Variants in CDK13 observed in about 807,000 individuals in gnomAD.
CDK13 encodes cyclin-dependent kinase 13.
In CDK13, 40 loss-of-function variants were observed where a neutral mutation model predicts 137.6. The ratio of observed to expected loss-of-function variants is 0.29; its 90% confidence interval spans 0.23 to 0.38. CDK13 has a LOEUF of 0.38. Ranked by LOEUF, CDK13 falls within the 10% of genes least tolerant of loss-of-function variation. The probability of loss-of-function intolerance (pLI) is 1.00; values close to 1 mark genes in which losing one functional copy is unlikely to be tolerated. For synonymous variants in CDK13, 869 were observed against 760.1 expected, an observed-to-expected ratio of 1.14 and a Z score of -2.36; for missense variants, 1,704 against 1,951.8, an observed-to-expected ratio of 0.87 and a Z score of 2.39.
rs115818286 is a variant in CDK13 at position 39,995,411 on chromosome 7, A to G, written c.1872-2083A>G. Reference sequence around the variant, plus strand: ...TAAATAAGTTATTCTAAATAGGCCTATTTTCAGTTGGCATTCAGGTGATAC... The same window carrying G: ...TAAATAAGTTATTCTAAATAGGCCTGTTTTCAGTTGGCATTCAGGTGATAC... On this transcript the variant is annotated intron_variant, in intron 2 of 13. Transcript: ENST00000181839. Among the ~76,000 whole-genome samples, 588 of 152,112 alleles carry G rather than the reference A, an allele frequency of 3.9e-3. 1 individual carries two copies. Among genetic ancestry groups the G allele is most frequent in the African/African-American group, 0.013 (557 of 41,500 alleles).
intron 2 of CDK13, among the ~76,000 whole-genome samples, chr7:39,988,739 T>G (rs796348672): frequency 6.6e-6 from 1 of 152,096 alleles, no homozygotes; most frequent in South Asian, 2.1e-4. Context: ...TAAAAAAAAA[T>G]TTTTTTAGCC....
At chr7:40,043,455 C>A (rs1785659452) in intron 5 of CDK13, among the ~76,000 whole-genome samples, 1 of 152,108 alleles carries the variant, frequency 6.6e-6, no homozygotes, top group Admixed American at 6.5e-5. Context: ...ATTATTTTGT[C>A]AAGTTAAGTC....
intron 5 of CDK13, among the ~76,000 whole-genome samples, chr7:40,016,977 A>G (rs1026964483): frequency 1.3e-5 from 2 of 152,188 alleles, no homozygotes; most frequent in African/African-American, 4.8e-5. Flanking sequence ...ATGGCCAGTG[A>G]TGAAGAGACA....
intron 5 of CDK13, among the ~76,000 whole-genome samples, chr7:40,022,582 G>C (rs780609421): frequency 9.2e-5 from 14 of 151,900 alleles, no homozygotes; most frequent in Admixed American, 2.0e-4. Context: ...AGACAAGGTA[G>C]ACCCTATGTT....
At chr7:40,032,156 A>G (rs1408962675) in intron 5 of CDK13, among the ~76,000 whole-genome samples, 1 of 152,136 alleles carries the variant, frequency 6.6e-6, no homozygotes, top group African/African-American at 2.4e-5. Context: ...CCACAGGCTC[A>G]AGCCGTCTTC....
At chr7:40,023,850 T>C (rs1054170807) in intron 5 of CDK13, among the ~76,000 whole-genome samples, 2 of 152,220 alleles carry the variant, frequency 1.3e-5, no homozygotes, top group African/African-American at 4.8e-5. Flanking sequence ...GGTTATTTTC[T>C]TCTCAGATTT....
chr7:39,951,928 C>G (rs1431449772), intron 1 of CDK13, 76 bp downstream of exon 1: 8 of 1,301,480 alleles, frequency 6.1e-6, no homozygotes, highest in African/African-American at 3.0e-5. Flanking sequence ...AAGTGGTGCC[C>G]GGGTCCTCAG....
intron 4 of CDK13, among the ~76,000 whole-genome samples, chr7:40,001,284 G>A (rs1784680071): frequency 2.0e-5 from 3 of 151,164 alleles, no homozygotes; most frequent in Admixed American, 6.6e-5. Context: ...GTGCAGTGGC[G>A]TGTCGTGATC....
intron 1 of CDK13, chr7:39,986,669 C>G (rs1017283234): frequency 2.0e-5 from 3 of 152,066 alleles, no homozygotes; most frequent in African/African-American, 7.2e-5. Flanking sequence ...CTTTTTTACT[C>G]TCATTCATTT....
intron 4 of CDK13, 60 bp from the exon 5 acceptor site, chr7:40,001,801 A>G: frequency 2.9e-6 from 3 of 1,052,070 alleles, no homozygotes; most frequent in Non-Finnish European, 4.3e-6. Context: ...ATTTAAAGTT[A>G]AGAAAAATGT....
chr7:40,025,057 T>C (rs1246111882), intron 5 of CDK13, among the ~76,000 whole-genome samples: 1 of 152,182 alleles, frequency 6.6e-6, no homozygotes, highest in Admixed American at 6.5e-5. Context: ...AGCTATTCAC[T>C]AGGTATCTCA....
At chr7:39,962,708 A>G (rs1783776308) in intron 1 of CDK13, among the ~76,000 whole-genome samples, 2 of 152,176 alleles carry the variant, frequency 1.3e-5, no homozygotes, top group South Asian at 2.1e-4. Context: ...GTCCTTGCCC[A>G]TGCCTATGTC....
intron 9 of CDK13, among the ~76,000 whole-genome samples, chr7:40,063,907 G>A (rs962914527): frequency 1.3e-5 from 2 of 151,386 alleles, no homozygotes; most frequent in African/African-American, 2.4e-5. Flanking sequence ...ACTGCCCCCC[G>A]CCTCGTTCTC....
chr7:39,966,062 A>G (rs1783864334), intron 1 of CDK13, among the ~76,000 whole-genome samples: 1 of 151,876 alleles, frequency 6.6e-6, no homozygotes, highest in African/African-American at 2.4e-5. Flanking sequence ...TTTTTCCTTC[A>G]TTTCAACTTT....
In CDK13 at chr7:39,988,220, T is replaced by C; in HGVS notation, c.1833T>C (p.Pro611=). The C allele has an allele frequency of 4.3e-6, 7 of 1,610,286 alleles. No individual in the cohort carries two copies. In the Admixed American group the frequency reaches 8.5e-5, roughly 20 times the overall value. ...TCACCTCTACATTACCACCGTTACCTTTGCCTCCCATGCTGCCTGAAGATA... is the reference window on the plus strand; with the variant it reads ...TCACCTCTACATTACCACCGTTACCCTTGCCTCCCATGCTGCCTGAAGATA... ...ALVTSTLPPL[P]LPPMLPEDKE... Residue 611 remains proline, a synonymous_variant, in exon 2 of 14, where the codon CCT becomes CCC. Transcript: ENST00000181839.
In CDK13 at chr7:39,951,863, C is replaced by T. The variant is rs1787229982; in HGVS notation, c.1211+11C>T. 7.4e-7 allele frequency: 1 copy of T among 1,355,558 alleles called. No individual in the cohort carries two copies. The highest frequency in any genetic ancestry group is 9.5e-7 in the Non-Finnish European group (1 of 1,052,634). 84.0% of individuals were successfully genotyped at this position (1,355,558 alleles called of 1,614,324 possible). On this transcript the variant is annotated intron_variant, in intron 1 of 13. Coordinates refer to ENST00000181839, the MANE Select transcript of CDK13 (RefSeq NM_003718.5). ...CAGCCCTGTGCTCAGGTGAGTTCTG[C>T]CGTTCTGCCTGTGTGTGCCTTGGCT...
intron 5 of CDK13, among the ~76,000 whole-genome samples, chr7:40,032,511 G>A (rs1265397288): frequency 2.0e-5 from 3 of 152,182 alleles, no homozygotes; most frequent in African/African-American, 7.2e-5. Context: ...TAGAAATTTA[G>A]TTTTGCAGTT....
At chr7:40,066,294 C>CAG (rs1159587689) in intron 9 of CDK13, among the ~76,000 whole-genome samples, 3 of 152,260 alleles carry the variant, frequency 2.0e-5, no homozygotes, top group Non-Finnish European at 4.4e-5. Flanking sequence ...TAAACTATTC[C>CAG]AGAACATAAG....
In CDK13 at chr7:40,039,434, A is replaced by ATTTTTTTTTTTTTTT. The variant is rs976319927; in HGVS notation, c.2354-6393_2354-6379dup. Reference sequence around the variant, plus strand: ...AGGTGCCCACGACCATGCCCGGCTAATTTTTTTTTTTTTTTTTTTTTTTGC... The same window carrying ATTTTTTTTTTTTTTT: ...AGGTGCCCACGACCATGCCCGGCTAATTTTTTTTTTTTTTTTTTTTTTTTTTTTTTTTTTTTTTGC... On this transcript the variant is annotated intron_variant, in intron 5 of 13. Coordinates refer to ENST00000181839, the MANE Select transcript of CDK13 (RefSeq NM_003718.5). Among the ~76,000 whole-genome samples the ATTTTTTTTTTTTTTT allele has an allele frequency of 4.9e-4, 42 of 84,996 alleles. 4 individuals are homozygous for ATTTTTTTTTTTTTTT. The highest frequency in any genetic ancestry group is 1.8e-3 in the African/African-American group (33 of 18,010). The allele number at this position is 84,996 out of a possible 152,430, so 55.8% of individuals were successfully genotyped here.
Sources: gnomAD v4.1 joint callset for allele counts (sites outside exome capture counted in the v4.1 genomes callset) on GRCh38, gnomAD v4.1.1 for gene constraint, MANE v1.5 for transcripts, NCBI Gene and HGNC (gene_info 2026-07-23, HGNC 2026-07-21) for gene names.